PELI1: variants seen among roughly 807,000 people sequenced by gnomAD.
The protein encoded by PELI1 is E3 ubiquitin-protein ligase pellino homolog 1.
PELI1 carries 15 observed loss-of-function variants against 41.3 expected under a neutral mutation model. The observed-to-expected ratio is 0.36, with a 90% confidence interval of 0.24 to 0.56. The LOEUF is 0.56. Ranked by LOEUF, PELI1 falls within the 20% of genes least tolerant of loss-of-function variation. The pLI, the probability that PELI1 is intolerant of heterozygous loss-of-function variation, is 0.82. For synonymous variants in PELI1, 178 were observed against 180.1 expected (o/e 0.99, Z 0.09); for missense variants, 403 against 525.5 (o/e 0.77, Z 2.28).
intron 1 of PELI1, among the ~76,000 whole-genome samples, chr2:64,118,676 T>C (rs1192920931): frequency 6.6e-6 from 1 of 152,182 alleles, no homozygotes; most frequent in Admixed American, 6.5e-5. Flanking sequence ...CAGGTAGAAA[T>C]ATTACTTAAA....
chr2:64,136,704 C>T (rs530912639), intron 1 of PELI1, among the ~76,000 whole-genome samples: 29 of 152,164 alleles, frequency 1.9e-4, no homozygotes, highest in Non-Finnish European at 4.0e-4. Flanking sequence ...GGAGATCAAG[C>T]CCATCCTTGC....
At chr2:64,136,352 G>A (rs1421835465) in intron 1 of PELI1, among the ~76,000 whole-genome samples, 1 of 152,152 alleles carries the variant, frequency 6.6e-6, no homozygotes, top group Non-Finnish European at 1.5e-5. Flanking sequence ...AGTATGTGCA[G>A]TATATGGTAA....
intron 1 of PELI1, among the ~76,000 whole-genome samples, chr2:64,125,567 T>C (rs1317812682): frequency 1.3e-5 from 2 of 152,222 alleles, no homozygotes; most frequent in African/African-American, 2.4e-5. Flanking sequence ...ACCAACAGAT[T>C]TGGTATTTAA....
chr2:64,115,030 G>A (rs571552692), intron 1 of PELI1, among the ~76,000 whole-genome samples: 20 of 152,288 alleles, frequency 1.3e-4, no homozygotes, highest in Non-Finnish European at 2.4e-4. Flanking sequence ...AGTAAAGGCC[G>A]TGTAGTTGAA....
At chr2:64,103,488 C>T (rs1680515200) in intron 3 of PELI1, among the ~76,000 whole-genome samples, 1 of 152,102 alleles carries the variant, frequency 6.6e-6, no homozygotes, top group African/African-American at 2.4e-5. Context: ...ATGTCAAGAG[C>T]ACTCCGGGGG....
At chr2:64,113,257 C>T (rs149028719) in intron 1 of PELI1, among the ~76,000 whole-genome samples, 51 of 151,438 alleles carry the variant, frequency 3.4e-4, no homozygotes, top group Admixed American at 9.2e-4. Context: ...AGCTGTGATC[C>T]TCCAGCCTGG....
At position 64,104,909 on chromosome 2, in the gene PELI1, A is replaced by G. The variant is rs554323695; in HGVS notation, c.72-79T>C. On this transcript the variant is annotated intron_variant, in intron 2 of 6. Coordinates refer to ENST00000358912, the MANE Select transcript of PELI1 (RefSeq NM_020651.4). ...AAACAAATGTTTGACTTTGCCTTGC[A>G]GAATCAATTCCCAATTAATTATCTA... 485 of 1,231,250 alleles carry G rather than the reference A, an allele frequency of 3.9e-4. 3 individuals carry two copies. In the African/African-American group the frequency reaches 6.9e-3, roughly 18 times the overall value. The allele number at this position is 1,231,250 out of a possible 1,614,324, so 76.3% of individuals were successfully genotyped here. A position where few individuals can be genotyped will look rare whatever the true frequency, so the allele number is the denominator to read the frequency against.
intron 1 of PELI1, among the ~76,000 whole-genome samples, chr2:64,122,154 G>A (rs1191403986): frequency 2.6e-5 from 4 of 151,492 alleles, no homozygotes; most frequent in Admixed American, 6.6e-5. Flanking sequence ...TAGTGTTCTT[G>A]GTGGGAATCA....
At chr2:64,137,573 A>G (rs1681759381) in intron 1 of PELI1, among the ~76,000 whole-genome samples, 1 of 151,404 alleles carries the variant, frequency 6.6e-6, no homozygotes, top group South Asian at 2.1e-4. Context: ...GAGGTTATAT[A>G]CCCTTATTCC....
rs1680113998 is a variant in PELI1, at chr2:64,093,294, TTAAG to T, written c.*1404_*1407del. On this transcript the variant is annotated 3_prime_UTR_variant, in exon 7 of 7. Coordinates refer to ENST00000358912, the MANE Select transcript of PELI1 (RefSeq NM_020651.4). ...ACATATAAAACTTTGCTACAGTCAG[TTAAG>T]TATTATACAACTTTTCAAACTAAAG... The T allele has an allele frequency of 6.6e-6, 1 of 152,648 alleles. No individual in the cohort carries two copies. Among genetic ancestry groups the T allele is most frequent in the African/African-American group, 2.4e-5 (1 of 41,456 alleles). The allele number at this position is 152,648 out of a possible 1,614,324, so 9.5% of individuals were successfully genotyped here.
chr2:64,101,940 G>C (rs1365990535), intron 3 of PELI1, among the ~76,000 whole-genome samples: 1 of 149,334 alleles, frequency 6.7e-6, no homozygotes, highest in Admixed American at 6.8e-5. Context: ...TGATTCTCCT[G>C]CTTCAGCCTC....
At position 64,105,361 on chromosome 2, in the gene PELI1, C is replaced by T. The variant is rs117665421; in HGVS notation, c.72-531G>A. Among the ~76,000 whole-genome samples the T allele has an allele frequency of 9.0e-4, 137 of 152,292 alleles. 1 individual carries two copies. In the East Asian group the frequency reaches 0.02, roughly 22 times the overall value. On this transcript the variant is annotated intron_variant, in intron 2 of 6. Coordinates refer to ENST00000358912, the MANE Select transcript of PELI1 (RefSeq NM_020651.4). ...CTCTCATTATGTTAGCAGAACCTGTCCAACAGACATGTTTGCTAAGTAGTA... is the reference window on the plus strand; with the variant it reads ...CTCTCATTATGTTAGCAGAACCTGTTCAACAGACATGTTTGCTAAGTAGTA...
chr2:64,104,683 T>C lies in PELI1; in HGVS notation c.201+18A>G. 1 of 266,346 alleles carries C rather than the reference T, an allele frequency of 3.8e-6. No homozygotes were observed. Among genetic ancestry groups the C allele is most frequent in the East Asian group, 1.4e-4 (1 of 7,028 alleles). The allele number at this position is 266,346 out of a possible 1,614,324, so 16.5% of individuals were successfully genotyped here. A position where few individuals can be genotyped will look rare whatever the true frequency, so the allele number is the denominator to read the frequency against. ...ATTCTCCAAGTTAATTTATGTAGCT[T>C]TTTTTTTTTTTTTTTACCTTTGCAG... is the stretch of plus-strand genomic sequence containing the variant. On this transcript the variant is annotated intron_variant, in intron 3 of 6. Transcript: ENST00000358912.
chr2:64,137,068 T>C (rs1393694888), intron 1 of PELI1, among the ~76,000 whole-genome samples: 3 of 152,336 alleles, frequency 2.0e-5, no homozygotes, highest in East Asian at 3.9e-4. Context: ...TGAACTAGTA[T>C]AGTAATTGTT....
At chr2:64,102,148 T>G (rs1337075287) in intron 3 of PELI1, among the ~76,000 whole-genome samples, 1 of 152,074 alleles carries the variant, frequency 6.6e-6, no homozygotes, top group East Asian at 1.9e-4. Context: ...TTTAAGGAAT[T>G]AAACTACAGA....
At chr2:64,143,663 G>A (rs567775959) in intron 1 of PELI1, 1 of 152,186 alleles carries the variant, frequency 6.6e-6, no homozygotes, top group Non-Finnish European at 1.5e-5. Flanking sequence ...TGAAGTCTGC[G>A]TTATGTAAGG....
At chr2:64,123,868 T>C (rs982862963) in intron 1 of PELI1, among the ~76,000 whole-genome samples, 1 of 152,194 alleles carries the variant, frequency 6.6e-6, no homozygotes, top group Non-Finnish European at 1.5e-5. Flanking sequence ...ATATTCATAA[T>C]AGCCCCAAAG....
intron 1 of PELI1, among the ~76,000 whole-genome samples, chr2:64,123,917 A>C (rs761191247): frequency 6.6e-6 from 1 of 152,244 alleles, no homozygotes; most frequent in Non-Finnish European, 1.5e-5. Context: ...TCGGATAAAC[A>C]AAATGTGGTA....
chr2:64,104,955 A>C, intron 2 of PELI1, 125 bp from the exon 3 acceptor site: 1 of 754,346 alleles, frequency 1.3e-6, no homozygotes, highest in Non-Finnish European at 2.0e-6. Flanking sequence ...ATAATTATTT[A>C]AAATTCCTTT....
Sources: allele counts gnomAD v4.1 joint callset (sites outside exome capture counted in the v4.1 genomes callset), GRCh38; gene constraint gnomAD v4.1.1; transcripts MANE v1.5; gene names NCBI Gene and HGNC (gene_info 2026-07-23, HGNC 2026-07-21).